NCAM2: variants seen among roughly 807,000 people sequenced by gnomAD.
The protein encoded by NCAM2 is neural cell adhesion molecule 2, also known as N-CAM-2.
In NCAM2, 30 loss-of-function variants were observed where a neutral mutation model predicts 98.1. That is an observed-to-expected ratio of 0.31 (90% CI 0.23 to 0.41). NCAM2 has a LOEUF of 0.41. NCAM2 is among the 10% of genes least tolerant of loss of function. The pLI is 1.00. For missense variants in NCAM2, 867 were observed against 1,005.8 expected, an observed-to-expected ratio of 0.86 and a Z score of 1.87; for synonymous variants, 368 against 342.4, an observed-to-expected ratio of 1.07 and a Z score of -0.83.
intron 12 of NCAM2, among the ~76,000 whole-genome samples, chr21:21,451,450 T>C (rs940838996): frequency 5.9e-5 from 9 of 152,152 alleles, no homozygotes; most frequent in African/African-American, 2.2e-4. Context: ...TAAACCTTCA[T>C]TCTACTTACC....
chr21:21,031,453 A>G (rs923105031), intron 1 of NCAM2, among the ~76,000 whole-genome samples: 1 of 152,012 alleles, frequency 6.6e-6, no homozygotes, highest in African/African-American at 2.4e-5. Context: ...GGGCCCAACC[A>G]CCTCCCAAAT....
rs117295562 is a variant in NCAM2, at chr21:21,380,814, G to A, written c.1195+6801G>A. ...AGCTGGTAATGTGTTTGCAGTTTCC[G>A]AAGGTAAAGGTGTCAGTATCTTTGG... is the stretch of plus-strand genomic sequence containing the variant. On this transcript the variant is annotated intron_variant, in intron 9 of 17. Coordinates refer to ENST00000400546, the MANE Select transcript of NCAM2 (RefSeq NM_004540.5). Among the ~76,000 whole-genome samples, 69 of 152,272 alleles carry A rather than the reference G, an allele frequency of 4.5e-4. No homozygotes were observed. The East Asian group carries it at 0.011, about 24-fold the overall frequency.
At chr21:21,216,422 T>C (rs2147109144) in intron 1 of NCAM2, among the ~76,000 whole-genome samples, 1 of 152,208 alleles carries the variant, frequency 6.6e-6, no homozygotes, top group Non-Finnish European at 1.5e-5. Flanking sequence ...GAAATAGACA[T>C]GGAGTTGGAC....
At chr21:21,449,149 ACTT>A (rs776904237) in intron 12 of NCAM2, among the ~76,000 whole-genome samples, 1 of 152,036 alleles carries the variant, frequency 6.6e-6, no homozygotes, top group African/African-American at 2.4e-5. Flanking sequence ...GTTAAGGAGA[ACTT>A]CTATGCAAAT....
Position 21,097,482 on chromosome 21 carries a change from A to G in NCAM2, c.55+98864A>G, listed in dbSNP as rs555257950. Among the ~76,000 whole-genome samples, 172 of 151,826 alleles carry G rather than the reference A, an allele frequency of 1.1e-3. 1 individual carries two copies. The highest frequency in any genetic ancestry group is 3.9e-3 in the African/African-American group (161 of 41,512). ...ATTTTATTATATGTGGACAAATGTAAAACTACATATTTTTTTAACAGAGAT... is the reference window on the plus strand; with the variant it reads ...ATTTTATTATATGTGGACAAATGTAGAACTACATATTTTTTTAACAGAGAT... On this transcript the variant is annotated intron_variant, in intron 1 of 17. Coordinates refer to ENST00000400546, the MANE Select transcript of NCAM2 (RefSeq NM_004540.5).
At chr21:21,118,110 A>G (rs1329000243) in intron 1 of NCAM2, among the ~76,000 whole-genome samples, 1 of 152,228 alleles carries the variant, frequency 6.6e-6, no homozygotes, top group Non-Finnish European at 1.5e-5. Context: ...TTGCTCAAGC[A>G]CCTACCTAGA....
intron 10 of NCAM2, among the ~76,000 whole-genome samples, chr21:21,414,407 G>A (rs1263665398): frequency 6.6e-6 from 1 of 151,650 alleles, no homozygotes; most frequent in Non-Finnish European, 1.5e-5. Context: ...TCCCAGATCC[G>A]TCAGAGGAAT....
chr21:21,506,983 T>A (rs141836511), intron 15 of NCAM2, among the ~76,000 whole-genome samples: 36 of 152,234 alleles, frequency 2.4e-4, no homozygotes, highest in African/African-American at 8.2e-4. Flanking sequence ...TATTTGCAAG[T>A]GTGAACCACA....
chr21:21,103,093 A>G (rs1188374650), intron 1 of NCAM2, among the ~76,000 whole-genome samples: 2 of 152,190 alleles, frequency 1.3e-5, no homozygotes, highest in East Asian at 1.9e-4. Flanking sequence ...GCTAGCTTAC[A>G]GTCTCCTAGG....
intron 5 of NCAM2, among the ~76,000 whole-genome samples, chr21:21,311,050 A>C (rs1387917702): frequency 6.6e-6 from 1 of 152,212 alleles, no homozygotes; most frequent in Non-Finnish European, 1.5e-5. Flanking sequence ...CTTTTACAAA[A>C]GGTTCTAGAA....
chr21:21,280,777 T>C (rs568570030), intron 2 of NCAM2, 125 bp downstream of exon 2: 158 of 610,190 alleles, frequency 2.6e-4, no homozygotes, highest in Admixed American at 4.1e-4. Flanking sequence ...AGTTGGTTTT[T>C]TGTTTTTGTT....
At position 21,538,014 on chromosome 21, in the gene NCAM2, C is replaced by T; in HGVS notation, c.*57C>T. 9.8e-7 allele frequency: 1 copy of T among 1,016,904 alleles called. No homozygotes were observed. The highest frequency in any genetic ancestry group is 1.4e-6 in the Non-Finnish European group (1 of 703,710). 63.0% of individuals were successfully genotyped at this position (1,016,904 alleles called of 1,614,324 possible). A position where few individuals can be genotyped will look rare whatever the true frequency, so the allele number is the denominator to read the frequency against. On this transcript the variant is annotated 3_prime_UTR_variant, in exon 18 of 18. Transcript: ENST00000400546. ...CGAAGAGTATTTGGATTGCGTGACCCTATGACCAAAACTATTCCATTGACC... is the reference window on the plus strand; with the variant it reads ...CGAAGAGTATTTGGATTGCGTGACCTTATGACCAAAACTATTCCATTGACC...
In NCAM2 at chr21:21,343,095, C is replaced by CT. The variant is rs1161668993; in HGVS notation, c.1044+4563dup. Among the ~76,000 whole-genome samples, 7 of 152,222 alleles carry CT rather than the reference C, an allele frequency of 4.6e-5. No homozygotes were observed. In the East Asian group the frequency reaches 1.3e-3, roughly 29 times the overall value. ...GTCAGAAGAAGCTTTGTTTTTAAAA[C>CT]TTGTTTATAATCTGATATTACTTAT... On this transcript the variant is annotated intron_variant, in intron 8 of 17. Coordinates refer to ENST00000400546, the MANE Select transcript of NCAM2 (RefSeq NM_004540.5).
intron 1 of NCAM2, among the ~76,000 whole-genome samples, chr21:21,192,884 T>C (rs187597440): frequency 1.3e-5 from 2 of 152,178 alleles, no homozygotes; most frequent in East Asian, 3.9e-4. Context: ...GAACACCAGG[T>C]TCAAGATATT....
chr21:21,121,651 G>C (rs570862640), intron 1 of NCAM2, among the ~76,000 whole-genome samples: 6 of 152,278 alleles, frequency 3.9e-5, no homozygotes, highest in African/African-American at 1.2e-4. Context: ...TTTAAAGATA[G>C]AAGGATTCAC....
At chr21:21,205,905 T>A (rs2069420353) in intron 1 of NCAM2, among the ~76,000 whole-genome samples, 1 of 152,128 alleles carries the variant, frequency 6.6e-6, no homozygotes. Context: ...GCTTATTATA[T>A]AAGGGTTCTA....
intron 12 of NCAM2, among the ~76,000 whole-genome samples, chr21:21,455,589 T>C (rs889865226): frequency 8.6e-5 from 13 of 152,018 alleles, no homozygotes; most frequent in African/African-American, 3.1e-4. Flanking sequence ...CAAAATAACG[T>C]GTAATCTTTC....
chr21:21,073,243 C>T (rs2065610344), intron 1 of NCAM2, among the ~76,000 whole-genome samples: 1 of 152,098 alleles, frequency 6.6e-6, no homozygotes, highest in Non-Finnish European at 1.5e-5. Flanking sequence ...CTTATAAATG[C>T]TATTCACCAA....
chr21:21,206,520 G>A (rs1301919327), intron 1 of NCAM2, among the ~76,000 whole-genome samples: 3 of 152,076 alleles, frequency 2.0e-5, no homozygotes, highest in Non-Finnish European at 4.4e-5. Flanking sequence ...GTCTTACTGG[G>A]TTTGAACATT....
Sources: gnomAD v4.1 joint callset for allele counts (sites outside exome capture counted in the v4.1 genomes callset) on GRCh38, gnomAD v4.1.1 for gene constraint, MANE v1.5 for transcripts, NCBI Gene and HGNC (gene_info 2026-07-23, HGNC 2026-07-21) for gene names.